Variants in CHLSN observed in about 807,000 individuals in gnomAD.
The protein encoded by CHLSN is cholesin.
the CHLSN span, among the ~76,000 whole-genome samples, chr7:1,112,406 T>A: frequency 1.3e-5 from 2 of 152,182 alleles, no homozygotes; most frequent in Admixed American, 1.3e-4. Context: ...CTGCTCACTC[T>A]GAGAGACGCC....
the CHLSN span, among the ~76,000 whole-genome samples, chr7:1,008,436 G>C: frequency 1.3e-5 from 2 of 152,202 alleles, no homozygotes; most frequent in Non-Finnish European, 2.9e-5. Context: ...GAGCAAGAAA[G>C]AGCTCTTGGG....
the CHLSN span, among the ~76,000 whole-genome samples, chr7:1,107,399 T>C: frequency 6.6e-6 from 1 of 152,328 alleles, no homozygotes; most frequent in Non-Finnish European, 1.5e-5. Flanking sequence ...CCAGTGACTG[T>C]GGAACCACCA....
chr7:1,070,541 CA>C, the CHLSN span, among the ~76,000 whole-genome samples: 2 of 147,636 alleles, frequency 1.4e-5, no homozygotes, highest in African/African-American at 4.9e-5. Context: ...ACCACGTGCA[CA>C]GGGACACACG....
At chr7:1,107,482 G>C in the CHLSN span, among the ~76,000 whole-genome samples, 1 of 152,194 alleles carries the variant, frequency 6.6e-6, no homozygotes, top group African/African-American at 2.4e-5. Flanking sequence ...CAGAGAATAA[G>C]ACCATGAGAT....
the CHLSN span, among the ~76,000 whole-genome samples, chr7:1,047,901 C>T: frequency 6.6e-6 from 1 of 152,224 alleles, no homozygotes; most frequent in Non-Finnish European, 1.5e-5. Flanking sequence ...AAGCCTTTTA[C>T]GTCACTGAAT....
At chr7:1,130,382 G>A in the CHLSN span, among the ~76,000 whole-genome samples, 3 of 152,292 alleles carry the variant, frequency 2.0e-5, no homozygotes, top group Admixed American at 2.0e-4. Flanking sequence ...GGAACAACCT[G>A]GGGTGGCAGC....
the CHLSN span, among the ~76,000 whole-genome samples, chr7:1,101,265 G>A: frequency 6.6e-6 from 1 of 152,256 alleles, no homozygotes; most frequent in Non-Finnish European, 1.5e-5. Context: ...GGGAACAAGG[G>A]TTAAAAAGCC....
chr7:1,041,518 C>T, the CHLSN span, among the ~76,000 whole-genome samples: 1 of 152,220 alleles, frequency 6.6e-6, no homozygotes, highest in African/African-American at 2.4e-5. Flanking sequence ...AACAACACCA[C>T]GTTTTACTAA....
At chr7:1,136,894 C>T in the CHLSN span, among the ~76,000 whole-genome samples, 51 of 152,010 alleles carry the variant, frequency 3.4e-4, no homozygotes, top group African/African-American at 1.1e-3. Flanking sequence ...ACTCGTCCAA[C>T]CCACCACAAA....
chr7:1,050,064 G>A, the CHLSN span, among the ~76,000 whole-genome samples: 1,203 of 152,294 alleles, frequency 7.9e-3, 11 homozygotes, highest in African/African-American at 0.028. Flanking sequence ...CCCCCTCAGC[G>A]GGCCCCACTC....
chr7:1,137,323 G>C, the CHLSN span: 4 of 152,388 alleles, frequency 2.6e-5, no homozygotes, highest in African/African-American at 4.8e-5. Context: ...ACCATCACCT[G>C]CTCTGTGCAC....
the CHLSN span, among the ~76,000 whole-genome samples, chr7:1,053,073 G>C: frequency 1.7e-3 from 253 of 152,352 alleles, 6 homozygotes; most frequent in South Asian, 0.028. Context: ...CTGCCCAGTG[G>C]GGGGAGAAGC....
At chr7:1,050,832 C>T in the CHLSN span, among the ~76,000 whole-genome samples, 3 of 152,200 alleles carry the variant, frequency 2.0e-5, no homozygotes, top group African/African-American at 4.8e-5. Flanking sequence ...CATCCACAGG[C>T]GCTCGGCAGG....
At chr7:1,099,764 G>A in the CHLSN span, among the ~76,000 whole-genome samples, 2 of 152,200 alleles carry the variant, frequency 1.3e-5, no homozygotes, top group Non-Finnish European at 2.9e-5. Flanking sequence ...GATGTGGCCA[G>A]GTGAGGACAC....
the CHLSN span, among the ~76,000 whole-genome samples, chr7:995,475 C>T: frequency 6.6e-6 from 1 of 152,222 alleles, no homozygotes; most frequent in Non-Finnish European, 1.5e-5. Flanking sequence ...CTTTCTGACT[C>T]GGCTGCTGGG....
chr7:1,086,432 T>C, the CHLSN span, among the ~76,000 whole-genome samples: 1 of 152,158 alleles, frequency 6.6e-6, no homozygotes, highest in East Asian at 1.9e-4. Flanking sequence ...TACAAAAAGG[T>C]ACATATTAGA....
At chr7:983,261 TGCTCTGC>T in the CHLSN span, 1 of 1,539,666 alleles carries the variant, frequency 6.5e-7, no homozygotes, top group South Asian at 1.2e-5. Context: ...CTCTGGGGGC[TGCTCTGC>T]GCCTGCGCCC....
At chr7:1,093,280 G>A in the CHLSN span, 16 of 438,224 alleles carry the variant, frequency 3.7e-5, no homozygotes, top group East Asian at 9.1e-4. Context: ...ATCTGCCACC[G>A]TGGGGGAACT....
chr7:997,603 G>C, the CHLSN span: 1 of 1,527,434 alleles, frequency 6.5e-7, no homozygotes, highest in African/African-American at 1.4e-5. Context: ...CTGGGCAGCG[G>C]CCCCGCCCCG....
Sources: allele counts gnomAD v4.1 joint callset (sites outside exome capture counted in the v4.1 genomes callset), GRCh38; gene constraint gnomAD v4.1.1; transcripts MANE v1.5; gene names NCBI Gene and HGNC (gene_info 2026-07-23, HGNC 2026-07-21).